Variants in DMBT1 observed in about 807,000 individuals in gnomAD.
The protein encoded by DMBT1 is scavenger receptor cysteine-rich domain-containing protein DMBT1.
DMBT1 carries 198 observed loss-of-function variants against 252.9 expected under a neutral mutation model. The ratio of observed to expected loss-of-function variants is 0.78; its 90% confidence interval spans 0.70 to 0.88. The LOEUF is 0.88. Ranked by LOEUF, DMBT1 falls within the 40% of genes least tolerant of loss-of-function variation. The probability of loss-of-function intolerance (pLI) is 0.00; values close to 1 mark genes in which losing one functional copy is unlikely to be tolerated. For missense variants in DMBT1, 2,432 were observed against 2,404.7 expected (o/e 1.01, Z -0.24); for synonymous variants, 990 against 942.7 (o/e 1.05, Z -0.92).
intron 26 of DMBT1, among the ~76,000 whole-genome samples, chr10:122,599,683 G>C (rs2097921339): frequency 6.6e-6 from 1 of 152,234 alleles, no homozygotes; most frequent in African/African-American, 2.4e-5. Flanking sequence ...CAGCCCCCAT[G>C]AGGCCGGCCA....
At chr10:122,632,913 A>T (rs1451697007) in intron 51 of DMBT1, 23 bp downstream of exon 51, 1 of 1,613,606 alleles carries the variant, frequency 6.2e-7, no homozygotes, top group Non-Finnish European at 8.5e-7. Flanking sequence ...CTCCCTGACA[A>T]GTCTGTGGCA....
intron 14 of DMBT1, 66 bp from the exon 15 acceptor site, chr10:122,585,205 A>G (rs2097779040): frequency 1.9e-6 from 3 of 1,554,102 alleles, no homozygotes; most frequent in Admixed American, 3.4e-5. Context: ...TTCTCCGGAG[A>G]CTTTTCCTTT....
chr10:122,636,269 C>A, intron 53 of DMBT1, 70 bp downstream of exon 53: 1 of 1,373,406 alleles, frequency 7.3e-7, no homozygotes, highest in South Asian at 1.2e-5. Flanking sequence ...CTCAACTGTC[C>A]TGTTGTTGTG....
intron 17 of DMBT1, 131 bp from the exon 18 acceptor site, chr10:122,590,534 G>C: frequency 8.6e-7 from 1 of 1,160,094 alleles, no homozygotes; most frequent in Non-Finnish European, 1.3e-6. Context: ...GACGTGCATG[G>C]CAATGCCCCT....
chr10:122,635,940 C>A (rs527474697), intron 52 of DMBT1, 51 bp from the exon 53 acceptor site: 2 of 1,594,380 alleles, frequency 1.3e-6, no homozygotes, highest in Non-Finnish European at 1.7e-6. Flanking sequence ...TGACCCCCTG[C>A]GTCAAATTCT....
chr10:122,622,289 G>C (rs780257122), intron 44 of DMBT1, among the ~76,000 whole-genome samples: 96 of 152,204 alleles, frequency 6.3e-4, no homozygotes, highest in Non-Finnish European at 1.1e-3. Context: ...CAATCAATGT[G>C]GTATCTACCA....
At chr10:122,580,825 T>A in intron 10 of DMBT1, 41 bp from the exon 11 acceptor site, 1 of 1,613,712 alleles carries the variant, frequency 6.2e-7, no homozygotes, top group Non-Finnish European at 8.5e-7. Flanking sequence ...CCGACTTCTG[T>A]GTAATGTTCC....
intron 46 of DMBT1, 133 bp from the exon 47 acceptor site, chr10:122,629,707 T>A: frequency 9.1e-7 from 1 of 1,104,716 alleles, no homozygotes; most frequent in Non-Finnish European, 1.3e-6. Context: ...GAGAGGGGAC[T>A]TGTTTACAGG....
rs1028231111 is a variant in DMBT1 at position 122,561,938 on chromosome 10, A to G, written c.61+1107A>G. Among the ~76,000 whole-genome samples, 6 of 147,316 alleles carry G rather than the reference A, an allele frequency of 4.1e-5. No individual in the cohort carries two copies. In the South Asian group the frequency reaches 1.3e-3, roughly 32 times the overall value. On this transcript the variant is annotated intron_variant, in intron 1 of 55. Coordinates refer to ENST00000338354, the MANE Select transcript of DMBT1 (RefSeq NM_001377530.1). ...CTCTCTTTCTCTTCAACTATTGGGC[A>G]ACTATTATCACCTTTCCTCTCTCTC...
chr10:122,593,721 C>A (rs1319376724), intron 21 of DMBT1, 123 bp downstream of exon 21: 3 of 1,314,926 alleles, frequency 2.3e-6, no homozygotes, highest in Non-Finnish European at 3.2e-6. Flanking sequence ...TTTCCACCCC[C>A]AACACCGGCT....
chr10:122,591,372 A>G lies in DMBT1; in HGVS notation c.2138-107A>G, dbSNP rs1292420721. The stretch of plus-strand genomic sequence containing the variant: ...ACATGGGGAGCAAGTGGCAGGAACT[A>G]GAAATGGAAGAATATTCATGATGCT... On this transcript the variant is annotated intron_variant, in intron 18 of 55. Coordinates refer to ENST00000338354, the MANE Select transcript of DMBT1 (RefSeq NM_001377530.1). 3.1e-6 allele frequency: 4 copies of G among 1,289,000 alleles called. No homozygotes were observed. In the African/African-American group the frequency reaches 4.2e-5, roughly 14 times the overall value. 79.8% of individuals were successfully genotyped at this position (1,289,000 alleles called of 1,614,324 possible).
rs561452465 is a variant in DMBT1 at position 122,575,524 on chromosome 10, G to T, written c.284-875G>T. Among the ~76,000 whole-genome samples the T allele has an allele frequency of 1.2e-3, 186 of 152,010 alleles. 1 individual carries two copies. Among genetic ancestry groups the T allele is most frequent in the Admixed American group, 1.8e-3 (28 of 15,262 alleles). The stretch of plus-strand genomic sequence containing the variant: ...AACTTTATATTTTCTGGTTTTTTTT[G>T]GGGGGGTGTGGTGGGGTTTGTTTTT... On this transcript the variant is annotated intron_variant, in intron 6 of 55. Transcript: ENST00000338354.
At chr10:122,575,181 A>G (rs149177360) in intron 6 of DMBT1, among the ~76,000 whole-genome samples, 18 of 152,226 alleles carry the variant, frequency 1.2e-4, no homozygotes, top group South Asian at 2.1e-4. Context: ...CTGCTGTTCA[A>G]TGTTGTACTG....
intron 8 of DMBT1, among the ~76,000 whole-genome samples, chr10:122,578,363 G>T (rs185549863): frequency 1.3e-5 from 2 of 152,286 alleles, no homozygotes; most frequent in Admixed American, 6.5e-5. Context: ...TTTCCCCCAG[G>T]GCGGACCCCT....
At chr10:122,639,675 G>T (rs1408560531) in intron 54 of DMBT1, among the ~76,000 whole-genome samples, 1 of 152,096 alleles carries the variant, frequency 6.6e-6, no homozygotes, top group Non-Finnish European at 1.5e-5. Context: ...CTGACAAAAG[G>T]GTTTATTGCG....
At chr10:122,598,075 G>T in intron 25 of DMBT1, 63 bp downstream of exon 25, 2 of 1,609,678 alleles carry the variant, frequency 1.2e-6, no homozygotes, top group Admixed American at 1.7e-5. Flanking sequence ...TGTTTTTTCT[G>T]AAAATGATAG....
chr10:122,621,335 A>T lies in DMBT1; in HGVS notation c.5563A>T (p.Thr1855Ser), dbSNP rs370656275. The T allele has an allele frequency of 1.8e-5, 29 of 1,613,724 alleles. No individual in the cohort carries two copies. The highest frequency in any genetic ancestry group is 3.3e-5 in the South Asian group (3 of 91,082). ...LWSCPHKGWL[T>S]HNCGHHEDAG... ...GAGCTGCCCCCACAAAGGCTGGCTC[A>T]CCCACAACTGTGGCCATCACGAAGA... The change falls in exon 44 of 56, where the codon ACC (threonine) becomes TCC (serine). Residue 1855 changes from threonine to serine, a missense_variant. Coordinates refer to ENST00000338354, the MANE Select transcript of DMBT1 (RefSeq NM_001377530.1).
At chr10:122,563,038 G>A (rs1472438271) in intron 1 of DMBT1, among the ~76,000 whole-genome samples, 3 of 152,196 alleles carry the variant, frequency 2.0e-5, no homozygotes, top group African/African-American at 7.2e-5. Flanking sequence ...ACTGAACTGT[G>A]GCATCTAACT....
intron 44 of DMBT1, among the ~76,000 whole-genome samples, chr10:122,624,588 G>A (rs576029089): frequency 6.6e-6 from 1 of 152,278 alleles, no homozygotes; most frequent in African/African-American, 2.4e-5. Context: ...CAGTGTCAGG[G>A]CCAGGTGGAG....
Sources: allele counts gnomAD v4.1 joint callset (sites outside exome capture counted in the v4.1 genomes callset), GRCh38; gene constraint gnomAD v4.1.1; transcripts MANE v1.5; gene names NCBI Gene and HGNC (gene_info 2026-07-23, HGNC 2026-07-21).